EYS: variants seen among roughly 807,000 people sequenced by gnomAD.
The protein encoded by EYS is protein eyes shut homolog.
A neutral mutation model predicts 282.1 loss-of-function variants in EYS; 250 were observed. The observed-to-expected ratio is 0.89, with a 90% CI of 0.80 to 0.98. The LOEUF (loss-of-function observed/expected upper bound fraction) is 0.98. EYS is among the 50% of genes least tolerant of loss of function. EYS has a pLI of 0.00. For synonymous variants in EYS, 1,355 were observed against 1,282.9 expected, an observed-to-expected ratio of 1.06 and a Z score of -1.20; for missense variants, 4,016 against 3,709.0, an observed-to-expected ratio of 1.08 and a Z score of -2.15.
chr6:64,082,796 A>AGAT (rs1029388085), intron 31 of EYS, among the ~76,000 whole-genome samples: 3 of 152,192 alleles, frequency 2.0e-5, no homozygotes, highest in African/African-American at 4.8e-5. Flanking sequence ...TCATTGTTAT[A>AGAT]GATCTATATT....
chr6:65,556,032 G>A (rs941884299), intron 2 of EYS, among the ~76,000 whole-genome samples: 3 of 151,900 alleles, frequency 2.0e-5, no homozygotes, highest in Non-Finnish European at 4.4e-5. Flanking sequence ...ATTTCCTTTG[G>A]TCTGTGCTGT....
At chr6:65,628,197 G>A (rs963135920) in intron 2 of EYS, among the ~76,000 whole-genome samples, 2 of 152,110 alleles carry the variant, frequency 1.3e-5, no homozygotes, top group African/African-American at 4.8e-5. Flanking sequence ...AGCACCCTGT[G>A]TTTAGCTCAA....
At chr6:63,990,795 A>G (rs973827299) in intron 34 of EYS, among the ~76,000 whole-genome samples, 1 of 151,576 alleles carries the variant, frequency 6.6e-6, no homozygotes, top group Non-Finnish European at 1.5e-5. Flanking sequence ...TACTCTCAAT[A>G]TCTGGGGACT....
chr6:65,343,661 A>G (rs921205718), intron 10 of EYS, among the ~76,000 whole-genome samples: 1 of 151,130 alleles, frequency 6.6e-6, no homozygotes, highest in African/African-American at 2.4e-5. Flanking sequence ...AGAGATTAGA[A>G]ATCTCTCAGA....
chr6:65,238,137 C>CA (rs1216799004), intron 12 of EYS, among the ~76,000 whole-genome samples: 4 of 151,660 alleles, frequency 2.6e-5, no homozygotes, highest in African/African-American at 9.7e-5. Flanking sequence ...CTATATTATA[C>CA]AAAAAGTAGT....
intron 41 of EYS, among the ~76,000 whole-genome samples, chr6:63,734,361 C>T (rs1768856685): frequency 6.6e-6 from 1 of 152,090 alleles, no homozygotes; most frequent in Non-Finnish European, 1.5e-5. Context: ...TCCATCAAGA[C>T]TGTCTTATAA....
chr6:65,434,889 G>C (rs140800808), intron 5 of EYS, among the ~76,000 whole-genome samples: 1 of 151,308 alleles, frequency 6.6e-6, no homozygotes, highest in South Asian at 2.1e-4. Flanking sequence ...CTTTCTTTTC[G>C]TACCTTTATT....
intron 26 of EYS, among the ~76,000 whole-genome samples, chr6:64,589,088 G>T (rs982685536): frequency 2.0e-5 from 3 of 152,036 alleles, no homozygotes; most frequent in Non-Finnish European, 4.4e-5. Flanking sequence ...TTATATGTGA[G>T]AAATGATGTA....
At chr6:65,200,211 A>G (rs1765866577) in intron 12 of EYS, among the ~76,000 whole-genome samples, 1 of 151,902 alleles carries the variant, frequency 6.6e-6, no homozygotes, top group Non-Finnish European at 1.5e-5. Context: ...GACTGAGTGA[A>G]TTGTGGTGTT....
At chr6:65,538,298 T>C (rs765387257) in intron 2 of EYS, among the ~76,000 whole-genome samples, 18 of 152,218 alleles carry the variant, frequency 1.2e-4, no homozygotes, top group Non-Finnish European at 2.1e-4. Context: ...TATAGTTTGA[T>C]TGTTGGACAG....
At chr6:65,445,002 G>C (rs1242052606) in intron 5 of EYS, among the ~76,000 whole-genome samples, 1 of 151,296 alleles carries the variant, frequency 6.6e-6, no homozygotes, top group Non-Finnish European at 1.5e-5. Context: ...CATAGCATTT[G>C]TTTCTCGATT....
chr6:65,020,821 C>T (rs550743171), intron 13 of EYS, among the ~76,000 whole-genome samples: 1 of 152,266 alleles, frequency 6.6e-6, no homozygotes, highest in African/African-American at 2.4e-5. Context: ...GTTTCCAAAC[C>T]TCAATTCTTG....
chr6:63,802,994 T>A (rs1465887134), intron 37 of EYS, among the ~76,000 whole-genome samples: 2 of 152,332 alleles, frequency 1.3e-5, no homozygotes, highest in Admixed American at 6.5e-5. Context: ...AAATGTCACA[T>A]GTAAGATTTC....
chr6:64,205,858 G>T (rs13218741), intron 31 of EYS, among the ~76,000 whole-genome samples: 44,977 of 118,868 alleles, frequency 0.38, 6,622 homozygotes, highest in East Asian at 0.46. Context: ...TATATATATA[G>T]AGAGAGAGAG....
intron 12 of EYS, among the ~76,000 whole-genome samples, chr6:65,160,349 C>T (rs1366627859): frequency 2.0e-5 from 3 of 150,876 alleles, no homozygotes; most frequent in Non-Finnish European, 4.5e-5. Context: ...GTTTTGAATA[C>T]TTTGCATATT....
intron 11 of EYS, among the ~76,000 whole-genome samples, chr6:65,319,574 T>C (rs1469995987): frequency 6.6e-6 from 1 of 152,286 alleles, no homozygotes; most frequent in East Asian, 1.9e-4. Context: ...TATATTTGTG[T>C]CTTTATTAAG....
At chr6:64,207,564 T>C (rs1350787265) in intron 31 of EYS, among the ~76,000 whole-genome samples, 1 of 152,132 alleles carries the variant, frequency 6.6e-6, no homozygotes, top group Non-Finnish European at 1.5e-5. Context: ...TGCATGAAGT[T>C]TGGGGGAGTG....
chr6:65,285,313 A>G (rs1200007302), intron 12 of EYS, among the ~76,000 whole-genome samples: 3 of 151,986 alleles, frequency 2.0e-5, no homozygotes, highest in Non-Finnish European at 2.9e-5. Context: ...AATTTAAATT[A>G]AAGACAATCA....
At chr6:64,164,040 G>C (rs180674158) in intron 31 of EYS, among the ~76,000 whole-genome samples, 42 of 152,192 alleles carry the variant, frequency 2.8e-4, no homozygotes, top group East Asian at 1.9e-4. Context: ...TTGACTCTCA[G>C]ACAATGTTTC....
Sources: gnomAD v4.1 joint callset for allele counts (sites outside exome capture counted in the v4.1 genomes callset) on GRCh38, gnomAD v4.1.1 for gene constraint, MANE v1.5 for transcripts, NCBI Gene and HGNC (gene_info 2026-07-23, HGNC 2026-07-21) for gene names.